The following RASSF5 variants were observed in gnomAD, a reference collection of about 807,000 sequenced individuals.
The protein encoded by RASSF5 is ras association domain-containing protein 5.
Under a neutral mutation model 40.5 loss-of-function variants are expected in RASSF5, and 25 were observed. The ratio of observed to expected loss-of-function variants is 0.62; its 90% CI spans 0.45 to 0.86. RASSF5 has a LOEUF of 0.86. Among genes scored for constraint, RASSF5 ranks in the 40% least tolerant of loss-of-function variants. The probability of loss-of-function intolerance (pLI) is 0.00; values close to 1 mark genes in which losing one functional copy is unlikely to be tolerated. For synonymous variants in RASSF5, 246 were observed against 252.4 expected, an observed-to-expected ratio of 0.97 and a Z score of 0.24; for missense variants, 521 against 572.8, an observed-to-expected ratio of 0.91 and a Z score of 0.92.
intron 1 of RASSF5, chr1:206,529,770 A>AG (rs1480025776): frequency 2.2e-6 from 1 of 458,702 alleles, no homozygotes; most frequent in African/African-American, 2.0e-5. Context: ...TCCTTCAAAA[A>AG]AAAAATTAAC....
At chr1:206,523,691 TATATA>T (rs1187894278) in intron 1 of RASSF5, among the ~76,000 whole-genome samples, 2 of 85,826 alleles carry the variant, frequency 2.3e-5, no homozygotes, top group East Asian at 3.5e-4. Flanking sequence ...AAATATATTA[TATATA>T]ATATATTTAT....
chr1:206,516,902 G>C (rs1666760701), intron 1 of RASSF5, among the ~76,000 whole-genome samples: 1 of 152,134 alleles, frequency 6.6e-6, no homozygotes, highest in South Asian at 2.1e-4. Context: ...GCAGGGCAAG[G>C]AACTTGGCCC....
At chr1:206,556,223 G>A (rs1170186469) in intron 2 of RASSF5, among the ~76,000 whole-genome samples, 1 of 152,184 alleles carries the variant, frequency 6.6e-6, no homozygotes, top group African/African-American at 2.4e-5. Context: ...CAGTGACTGG[G>A]GCGTAGGCAG....
At position 206,560,890 on chromosome 1, in the gene RASSF5, T is replaced by C. The variant is rs1553402474; in HGVS notation, c.580-22379T>C. ...TGGTGATTTGTAGGACTGGTGACTG[T>C]GAAGCCAGGCCAGGCCCTCTGTCCA... On this transcript the variant is annotated intron_variant, in intron 2 of 5. Coordinates refer to ENST00000579436, the MANE Select transcript of RASSF5 (RefSeq NM_182663.4). This position sits in a 1 kb window ranked among gnomAD's most constrained non-coding sequence, Gnocchi z 5.1. 6.6e-6 allele frequency among the ~76,000 whole-genome samples: 1 copy of C among 152,216 alleles called. No individual in the cohort carries two copies. The highest frequency in any genetic ancestry group is 1.5e-5 in the Non-Finnish European group (1 of 68,038).
At chr1:206,556,894 T>C (rs1668004382) in intron 2 of RASSF5, among the ~76,000 whole-genome samples, 1 of 152,098 alleles carries the variant, frequency 6.6e-6, no homozygotes, top group Non-Finnish European at 1.5e-5. Context: ...CCCTTATAGC[T>C]AGCACCTTTT....
intron 1 of RASSF5, among the ~76,000 whole-genome samples, chr1:206,509,148 A>C (rs1353166278): frequency 6.6e-6 from 1 of 152,218 alleles, no homozygotes; most frequent in Admixed American, 6.5e-5. Flanking sequence ...TCTTTCAGCA[A>C]AGGCCCTTCC....
chr1:206,566,439 C>T (rs1261518127), intron 2 of RASSF5, among the ~76,000 whole-genome samples: 2 of 152,286 alleles, frequency 1.3e-5, no homozygotes, highest in East Asian at 1.9e-4. Context: ...GCCTCCAATT[C>T]GTGAACCCCT....
chr1:206,559,867 T>C (rs918955247), intron 2 of RASSF5, among the ~76,000 whole-genome samples: 9 of 152,122 alleles, frequency 5.9e-5, no homozygotes, highest in African/African-American at 2.2e-4. Context: ...GGTGAGCAAG[T>C]GCAGGGGTGG....
chr1:206,529,013 TA>T, intron 1 of RASSF5: 1 of 728,396 alleles, frequency 1.4e-6, no homozygotes, highest in Middle Eastern at 2.8e-4. Flanking sequence ...AGAAAAGGCC[TA>T]AGAATTTTGG....
At position 206,522,470 on chromosome 1, in the gene RASSF5, C is replaced by T. The variant is rs566670064; in HGVS notation, c.457+14411C>T. Reference sequence around the variant, plus strand: ...GCGTGAGCGTTTTCTGATGTGGTGTCGGAGGGTCCAGGTGACAAATCTCTC... The same window carrying T: ...GCGTGAGCGTTTTCTGATGTGGTGTTGGAGGGTCCAGGTGACAAATCTCTC... On this transcript the variant is annotated intron_variant, in intron 1 of 5. Transcript: ENST00000579436. Among the ~76,000 whole-genome samples, 5 of 152,232 alleles carry T rather than the reference C, an allele frequency of 3.3e-5. No individual in the cohort carries two copies. In the East Asian group the frequency reaches 7.7e-4, roughly 23 times the overall value.
chr1:206,566,656 C>T (rs1668296288), intron 2 of RASSF5, among the ~76,000 whole-genome samples: 1 of 152,166 alleles, frequency 6.6e-6, no homozygotes, highest in African/African-American at 2.4e-5. Context: ...GCACTTGGCA[C>T]CTATAATGTC....
chr1:206,569,825 T>C (rs1328317901), intron 2 of RASSF5, among the ~76,000 whole-genome samples: 1 of 152,048 alleles, frequency 6.6e-6, no homozygotes, highest in Non-Finnish European at 1.5e-5. Context: ...GCTGTCCAGG[T>C]CATTTTTTGT....
chr1:206,542,716 C>T (rs1553399552), intron 2 of RASSF5: 1 of 152,236 alleles, frequency 6.6e-6, no homozygotes, highest in African/African-American at 2.4e-5. Flanking sequence ...CACCTGTCTA[C>T]TATTTACTTA....
chr1:206,524,021 A>G lies in RASSF5; in HGVS notation c.458-14151A>G, dbSNP rs1667015051. On this transcript the variant is annotated intron_variant, in intron 1 of 5. Transcript: ENST00000579436. ...ATATATAGTATATTTTATATATAAT[A>G]GGTATACCATATATAATATATTTTA... 2.5e-5 allele frequency among the ~76,000 whole-genome samples: 3 copies of G among 120,664 alleles called. No individual in the cohort carries two copies. The South Asian group carries it at 7.2e-4, about 29-fold the overall frequency. 79.2% of individuals were successfully genotyped at this position (120,664 alleles called of 152,430 possible).
intron 2 of RASSF5, among the ~76,000 whole-genome samples, chr1:206,572,195 CTTCT>C (rs71152477): frequency 0.17 from 25,120 of 151,990 alleles, 2,341 homozygotes; most frequent in Middle Eastern, 0.35. Context: ...CGTGTTACTG[CTTCT>C]TTGTGTTTTC....
intron 2 of RASSF5, among the ~76,000 whole-genome samples, chr1:206,568,662 G>A (rs931633301): frequency 6.6e-6 from 1 of 152,162 alleles, no homozygotes; most frequent in Non-Finnish European, 1.5e-5. Context: ...GAGAGCTCCC[G>A]CAGTCACCCG....
At chr1:206,538,449 G>C (rs1667471823) in intron 2 of RASSF5, among the ~76,000 whole-genome samples, 156 bp downstream of exon 2, 1 of 152,328 alleles carries the variant, frequency 6.6e-6, no homozygotes. Context: ...GTTCCAAGGG[G>C]ACTAGGGGAA....
At chr1:206,521,799 C>T (rs2103507596) in intron 1 of RASSF5, among the ~76,000 whole-genome samples, 1 of 152,352 alleles carries the variant, frequency 6.6e-6, no homozygotes, top group African/African-American at 2.4e-5. Context: ...CGTCTGTCTT[C>T]TCAGGGGCCC....
chr1:206,533,273 G>A (rs993505861), intron 1 of RASSF5, among the ~76,000 whole-genome samples: 13 of 152,152 alleles, frequency 8.5e-5, no homozygotes, highest in African/African-American at 2.9e-4. Flanking sequence ...TAGGCAGGCC[G>A]TCTTGGCTTC....
Sources: gnomAD v4.1 joint callset for allele counts (sites outside exome capture counted in the v4.1 genomes callset) on GRCh38, gnomAD v4.1.1 for gene constraint, Gnocchi (gnomAD v3.1) non-coding constraint, MANE v1.5 for transcripts, NCBI Gene and HGNC (gene_info 2026-07-23, HGNC 2026-07-21) for gene names.